The following RAB2B variants were observed in gnomAD, a reference collection of about 807,000 sequenced individuals.
The protein encoded by RAB2B is ras-related protein Rab-2B.
RAB2B carries 20 observed loss-of-function variants against 29.8 expected under a neutral mutation model. That is an observed-to-expected ratio of 0.67 (90% CI 0.47 to 0.97). The LOEUF (loss-of-function observed/expected upper bound fraction) is 0.97. Ranked by LOEUF, RAB2B falls within the 50% of genes least tolerant of loss-of-function variation. RAB2B has a pLI of 0.00. For missense variants in RAB2B, 218 were observed against 272.0 expected (o/e 0.80, Z 1.40); for synonymous variants, 93 against 91.7 (o/e 1.01, Z -0.08).
chr14:21,470,771 G>T (rs1017124570), intron 3 of RAB2B, among the ~76,000 whole-genome samples: 1 of 152,066 alleles, frequency 6.6e-6, no homozygotes, highest in African/African-American at 2.4e-5. Context: ...GTTTGAGGGA[G>T]GCCCACATGA....
intron 6 of RAB2B, among the ~76,000 whole-genome samples, 174 bp downstream of exon 6, chr14:21,463,482 C>A (rs529492686): frequency 1.3e-5 from 2 of 152,042 alleles, no homozygotes; most frequent in African/African-American, 4.8e-5. Context: ...CCTGAGCTCA[C>A]GCAATCTGCC....
rs1194077537 is a variant in RAB2B, at chr14:21,461,193, T to C, written c.*3A>G. 1.9e-6 allele frequency: 3 copies of C among 1,604,262 alleles called. No individual in the cohort carries two copies. The African/African-American group carries it at 4.0e-5, about 22-fold the overall frequency. ...AAGGACAAAAAAAGTTCAAGCCAGATGTTCAGCAGCAGCCAGAGTTGGACC... is the reference window on the plus strand; with the variant it reads ...AAGGACAAAAAAAGTTCAAGCCAGACGTTCAGCAGCAGCCAGAGTTGGACC... On this transcript the variant is annotated 3_prime_UTR_variant, in exon 8 of 8. Transcript: ENST00000397762.
In RAB2B at chr14:21,461,153, T is replaced by G. The variant is rs757216332; in HGVS notation, c.*43A>C. On this transcript the variant is annotated 3_prime_UTR_variant, in exon 8 of 8. Coordinates refer to ENST00000397762, the MANE Select transcript of RAB2B (RefSeq NM_032846.4). ...ACCTCTTTCATTAAGCCTATTGATC[T>G]GAAGCTATTCCAGGAAGGACAAAAA... 16 of 1,352,962 alleles carry G rather than the reference T, an allele frequency of 1.2e-5. No individual in the cohort carries two copies. In the South Asian group the frequency reaches 1.8e-4, roughly 15 times the overall value. 83.8% of individuals were successfully genotyped at this position (1,352,962 alleles called of 1,614,324 possible). A position where few individuals can be genotyped will look rare whatever the true frequency, so the allele number is the denominator to read the frequency against.
chr14:21,473,953 A>T (rs1245707442), intron 3 of RAB2B, among the ~76,000 whole-genome samples: 3 of 152,170 alleles, frequency 2.0e-5, no homozygotes, highest in Non-Finnish European at 4.4e-5. Flanking sequence ...CGGAGCTTGC[A>T]GTGAGCTGAG....
chr14:21,469,261 T>A (rs1043928759), intron 3 of RAB2B, among the ~76,000 whole-genome samples: 2 of 152,212 alleles, frequency 1.3e-5, no homozygotes, highest in African/African-American at 4.8e-5. Context: ...CCTGGTCTAA[T>A]AGAAATTTCA....
intron 3 of RAB2B, 39 bp from the exon 4 acceptor site, chr14:21,468,791 C>A (rs1337931737): frequency 2.1e-6 from 3 of 1,412,528 alleles, no homozygotes; most frequent in Non-Finnish European, 2.9e-6. Flanking sequence ...CCCAACAAAA[C>A]CAGGTTATTT....
At chr14:21,465,090 TG>T (rs1203216896) in intron 5 of RAB2B, among the ~76,000 whole-genome samples, 1 of 152,204 alleles carries the variant, frequency 6.6e-6, no homozygotes, top group African/African-American at 2.4e-5. Flanking sequence ...AATTTTCATT[TG>T]GGAGGTTTCC....
chr14:21,476,822 G>A lies in RAB2B; in HGVS notation c.46+5C>T, dbSNP rs1890988497. The A allele has an allele frequency of 6.2e-7, 1 of 1,613,312 alleles. No homozygotes were observed. The highest frequency in any genetic ancestry group is 1.3e-5 in the African/African-American group (1 of 74,822). The stretch of plus-strand genomic sequence containing the variant: ...AGCCTTGAAGGCGAACCACCTGAGG[G>A]TTACCTGTGTCTCCGATGATGATAT... On this transcript the variant is annotated splice_donor_5th_base_variant and intron_variant, in intron 1 of 7. Coordinates refer to ENST00000397762, the MANE Select transcript of RAB2B (RefSeq NM_032846.4).
intron 2 of RAB2B, 138 bp downstream of exon 2, chr14:21,476,390 A>T (rs1029804301): frequency 1.2e-6 from 1 of 834,050 alleles, no homozygotes; most frequent in African/African-American, 1.7e-5. Flanking sequence ...TGGTCACTTC[A>T]TTAACATAAG....
intron 3 of RAB2B, among the ~76,000 whole-genome samples, chr14:21,472,655 A>G (rs990315626): frequency 2.6e-5 from 4 of 152,236 alleles, no homozygotes; most frequent in African/African-American, 4.8e-5. Context: ...GAGGGAACAG[A>G]AAAGAACTAG....
At chr14:21,471,468 A>T (rs560066317) in intron 3 of RAB2B, among the ~76,000 whole-genome samples, 1 of 151,918 alleles carries the variant, frequency 6.6e-6, no homozygotes, top group Non-Finnish European at 1.5e-5. Flanking sequence ...AATACAAAAA[A>T]TTAGCCAGGT....
intron 3 of RAB2B, among the ~76,000 whole-genome samples, chr14:21,473,167 G>T (rs1890860678): frequency 6.6e-6 from 1 of 152,160 alleles, no homozygotes; most frequent in South Asian, 2.1e-4. Flanking sequence ...GAGGAGCATT[G>T]GGGAGGGAAG....
At chr14:21,471,261 C>G (rs1365012943) in intron 3 of RAB2B, among the ~76,000 whole-genome samples, 1 of 151,672 alleles carries the variant, frequency 6.6e-6, no homozygotes, top group Non-Finnish European at 1.5e-5. Flanking sequence ...AAAGAGTGAG[C>G]AGTTCAATTT....
At chr14:21,475,382 G>A (rs1241477447) in intron 2 of RAB2B, among the ~76,000 whole-genome samples, 1 of 144,136 alleles carries the variant, frequency 6.9e-6, no homozygotes. Context: ...AATTCCAGAT[G>A]TTTTTCTTTA....
chr14:21,471,187 A>C (rs1890804770), intron 3 of RAB2B, among the ~76,000 whole-genome samples: 1 of 151,914 alleles, frequency 6.6e-6, no homozygotes, highest in Non-Finnish European at 1.5e-5. Context: ...AAAAAAAAAA[A>C]AAAAATCACT....
chr14:21,474,995 G>C, intron 2 of RAB2B, 61 bp from the exon 3 acceptor site: 1 of 1,387,574 alleles, frequency 7.2e-7, no homozygotes, highest in Non-Finnish European at 1.0e-6. Flanking sequence ...CGTGGAGTGG[G>C]AGGTTCCTGC....
At position 21,474,940 on chromosome 14, in the gene RAB2B, G is replaced by A. The variant is rs779092408; in HGVS notation, c.119-6C>T. The A allele has an allele frequency of 3.7e-6, 6 of 1,612,850 alleles. No homozygotes were observed. Among genetic ancestry groups the A allele is most frequent in the South Asian group, 2.2e-5 (2 of 91,064 alleles). ...ACGAGCTCCAAACTCCACACCTGTC[G>A]GTAAAGACCGAGAGAAAGAATGTGA... On this transcript the variant is annotated splice_polypyrimidine_tract_variant and splice_region_variant and intron_variant, in intron 2 of 7. Transcript: ENST00000397762.
rs1890622383 is a variant in RAB2B at position 21,463,739 on chromosome 14, T to C, written c.391A>G (p.Arg131Gly). Residue 131 changes from arginine (R) to glycine (G), a missense_variant, in exon 6 of 8, where the codon AGA (arginine) becomes GGA (glycine). By Grantham distance (125) the Arg-to-Gly change is moderately radical. Coordinates refer to ENST00000397762, the MANE Select transcript of RAB2B (RefSeq NM_032846.4). The stretch of plus-strand genomic sequence containing the variant: ...CTAGCAAAGGCCTCTCCTTCTTCTC[T>C]CTTCACATCCCTGCGGGACTCTAGG... ...SDLESRRDVKREEGEAFAREH... is the reference protein window; with the variant it reads ...SDLESRRDVKGEEGEAFAREH... 6.2e-7 allele frequency: 1 copy of C among 1,613,732 alleles called. No homozygotes were observed. The highest frequency in any genetic ancestry group is 8.5e-7 in the Non-Finnish European group (1 of 1,179,654).
chr14:21,475,706 C>T (rs1890937440), intron 2 of RAB2B, among the ~76,000 whole-genome samples: 1 of 152,176 alleles, frequency 6.6e-6, no homozygotes, highest in Non-Finnish European at 1.5e-5. Context: ...TGAGAATTCG[C>T]TCAATATTCC....
Sources: gnomAD v4.1 joint callset for allele counts (sites outside exome capture counted in the v4.1 genomes callset) on GRCh38, gnomAD v4.1.1 for gene constraint, MANE v1.5 for transcripts, NCBI Gene and HGNC (gene_info 2026-07-23, HGNC 2026-07-21) for gene names.